Variants in PTPRN2 observed in about 807,000 individuals in gnomAD.
The protein encoded by PTPRN2 is receptor-type tyrosine-protein phosphatase N2.
In PTPRN2, 74 loss-of-function variants were observed where a neutral mutation model predicts 118.8. The observed-to-expected ratio is 0.62, with a 90% confidence interval of 0.52 to 0.76. PTPRN2 has a LOEUF of 0.76. Ranked by LOEUF, PTPRN2 falls within the 30% of genes least tolerant of loss-of-function variation. The pLI, the probability that PTPRN2 is intolerant of heterozygous loss-of-function variation, is 0.00. For missense variants in PTPRN2, 1,481 were observed against 1,394.4 expected (o/e 1.06, Z -0.99); for synonymous variants, 641 against 608.0 (o/e 1.05, Z -0.80).
chr7:157,691,002 G>C (rs1797457976), intron 12 of PTPRN2, among the ~76,000 whole-genome samples: 1 of 146,654 alleles, frequency 6.8e-6, no homozygotes, highest in Admixed American at 6.7e-5. Flanking sequence ...CTTATATCCG[G>C]CCCGGCGCGC....
At chr7:158,468,669 T>A (rs1819557501) in intron 2 of PTPRN2, among the ~76,000 whole-genome samples, 1 of 152,152 alleles carries the variant, frequency 6.6e-6, no homozygotes, top group African/African-American at 2.4e-5. Context: ...CGCAGGGTGG[T>A]GGCAGGGCAA....
At chr7:158,286,247 T>C (rs557299933) in intron 3 of PTPRN2, among the ~76,000 whole-genome samples, 18 of 152,358 alleles carry the variant, frequency 1.2e-4, no homozygotes, top group Admixed American at 7.8e-4. Flanking sequence ...CTAACAGTGT[T>C]TTTGGTGGCA....
chr7:157,989,463 C>T (rs1249535931), intron 11 of PTPRN2, among the ~76,000 whole-genome samples: 1 of 151,906 alleles, frequency 6.6e-6, no homozygotes, highest in Non-Finnish European at 1.5e-5. Context: ...AGAAAGACAG[C>T]GGTTTTCATA....
At chr7:158,459,365 C>T (rs185612185) in intron 2 of PTPRN2, among the ~76,000 whole-genome samples, 78 of 84,368 alleles carry the variant, frequency 9.2e-4, no homozygotes, top group South Asian at 2.1e-3. Flanking sequence ...TCCAGAGGCC[C>T]CGCTTGGGAC....
rs138567866 is a variant in PTPRN2, at chr7:158,361,159, G to A, written c.164-44227C>T. Among the ~76,000 whole-genome samples the A allele has an allele frequency of 7.2e-4, 4 of 5,542 alleles. 2 individuals are homozygous for A. Among genetic ancestry groups the A allele is most frequent in the African/African-American group, 5.6e-3 (2 of 356 alleles). 3.6% of individuals were successfully genotyped at this position (5,542 alleles called of 152,430 possible). A position where few individuals can be genotyped will look rare whatever the true frequency, so the allele number is the denominator to read the frequency against. Reference sequence around the variant, plus strand: ...TCACCCGGGGTGACCCACAGACCCTGCATCCACCCTCACCCAGGATGATGC... The same window carrying A: ...TCACCCGGGGTGACCCACAGACCCTACATCCACCCTCACCCAGGATGATGC... On this transcript the variant is annotated intron_variant, in intron 2 of 22. Transcript: ENST00000389418.
intron 2 of PTPRN2, among the ~76,000 whole-genome samples, chr7:158,380,628 T>C (rs1810899228): frequency 6.6e-6 from 1 of 152,220 alleles, no homozygotes; most frequent in African/African-American, 2.4e-5. Context: ...GTGCCAGTTG[T>C]TGGTAGATCT....
chr7:158,353,100 A>G (rs1808132445), intron 2 of PTPRN2, among the ~76,000 whole-genome samples: 1 of 152,178 alleles, frequency 6.6e-6, no homozygotes, highest in Non-Finnish European at 1.5e-5. Flanking sequence ...TTCACTCAGG[A>G]CCCTTCATTT....
At chr7:157,759,152 T>TC (rs1186624698) in intron 12 of PTPRN2, among the ~76,000 whole-genome samples, 9 of 152,180 alleles carry the variant, frequency 5.9e-5, no homozygotes, top group Non-Finnish European at 1.3e-4. Flanking sequence ...GATCTGCCGC[T>TC]CCCCCCTTCC....
intron 2 of PTPRN2, among the ~76,000 whole-genome samples, chr7:158,449,494 C>T (rs369047958): frequency 1.6e-4 from 24 of 151,624 alleles, no homozygotes; most frequent in African/African-American, 5.6e-4. Flanking sequence ...CAAACAAACA[C>T]CAATAGGCAG....
At chr7:158,206,407 G>A (rs1209387701) in intron 3 of PTPRN2, among the ~76,000 whole-genome samples, 1 of 151,422 alleles carries the variant, frequency 6.6e-6, no homozygotes, top group Admixed American at 6.6e-5. Context: ...GAGCCTTTGG[G>A]CCCTGAATAA....
At chr7:157,960,409 T>C (rs1801450135) in intron 11 of PTPRN2, among the ~76,000 whole-genome samples, 1 of 152,228 alleles carries the variant, frequency 6.6e-6, no homozygotes, top group Non-Finnish European at 1.5e-5. Context: ...GGTGCTGTTT[T>C]AAACTGTAAA....
intron 11 of PTPRN2, among the ~76,000 whole-genome samples, chr7:157,958,097 TA>T (rs1347345256): frequency 6.6e-6 from 1 of 151,990 alleles, no homozygotes; most frequent in African/African-American, 2.4e-5. Context: ...GTTCAACACA[TA>T]AAAAATAATA....
chr7:157,574,248 G>A (rs1216793094), intron 19 of PTPRN2: 7 of 406,724 alleles, frequency 1.7e-5, no homozygotes, highest in Middle Eastern at 5.2e-4. Flanking sequence ...GGGCGAGAGC[G>A]CACCGTCATG....
intron 21 of PTPRN2, among the ~76,000 whole-genome samples, chr7:157,558,418 G>A (rs1213184927): frequency 1.3e-5 from 2 of 152,244 alleles, no homozygotes; most frequent in Non-Finnish European, 2.9e-5. Context: ...GGGCCTCCAC[G>A]ATGTGGCTAG....
chr7:157,855,617 G>GA (rs1809654261), intron 12 of PTPRN2, among the ~76,000 whole-genome samples: 1 of 152,208 alleles, frequency 6.6e-6, no homozygotes. Context: ...TGGAAGGGGG[G>GA]ATGTCAGGAA....
At chr7:157,882,145 A>T (rs1475166896) in intron 12 of PTPRN2, among the ~76,000 whole-genome samples, 1 of 151,022 alleles carries the variant, frequency 6.6e-6, no homozygotes, top group African/African-American at 2.4e-5. Flanking sequence ...CTGTCGAAGA[A>T]CAGAACATGC....
At chr7:157,588,608 C>A (rs1241148719) in intron 17 of PTPRN2, among the ~76,000 whole-genome samples, 1 of 152,230 alleles carries the variant, frequency 6.6e-6, no homozygotes, top group African/African-American at 2.4e-5. Context: ...CTGGAGAAAG[C>A]GTCACTTTAT....
intron 3 of PTPRN2, among the ~76,000 whole-genome samples, chr7:158,256,071 T>C (rs1221780290): frequency 6.6e-6 from 1 of 152,200 alleles, no homozygotes; most frequent in Non-Finnish European, 1.5e-5. Context: ...AGGTGCTGTG[T>C]GTTCTGTCTC....
chr7:158,006,196 A>C (rs1438691914), intron 11 of PTPRN2, among the ~76,000 whole-genome samples: 1 of 152,228 alleles, frequency 6.6e-6, no homozygotes, highest in Non-Finnish European at 1.5e-5. Flanking sequence ...CTAAGAAAGC[A>C]GCCAACACTG....
Sources: gnomAD v4.1 joint callset for allele counts (sites outside exome capture counted in the v4.1 genomes callset) on GRCh38, gnomAD v4.1.1 for gene constraint, MANE v1.5 for transcripts, NCBI Gene and HGNC (gene_info 2026-07-23, HGNC 2026-07-21) for gene names.